The following DNER variants were observed in gnomAD, a reference collection of about 807,000 sequenced individuals.
DNER encodes the protein delta/notch like EGF repeat containing, also known as delta and Notch-like epidermal growth factor-related receptor.
DNER carries 33 observed loss-of-function variants against 78.2 expected under a neutral mutation model. The ratio of observed to expected loss-of-function variants is 0.42; its 90% confidence interval spans 0.32 to 0.56. DNER has a LOEUF of 0.56. DNER is among the 20% of genes least tolerant of loss of function. The pLI, the probability that DNER is intolerant of heterozygous loss-of-function variation, is 0.11. For missense variants in DNER, 918 were observed against 975.3 expected (o/e 0.94, Z 0.78); for synonymous variants, 417 against 384.8 (o/e 1.08, Z -0.98).
At chr2:229,363,526 G>A (rs530213730) in intron 12 of DNER, among the ~76,000 whole-genome samples, 10 of 152,324 alleles carry the variant, frequency 6.6e-5, no homozygotes, top group Admixed American at 2.0e-4. Context: ...CTGAATAAAC[G>A]TTCAGAAGAG....
rs138662006 is a variant in DNER at position 229,482,337 on chromosome 2, C to T, written c.1148-5084G>A. Among the ~76,000 whole-genome samples, 13 of 152,322 alleles carry T rather than the reference C, an allele frequency of 8.5e-5. No individual in the cohort carries two copies. In the East Asian group the frequency reaches 2.3e-3, roughly 27 times the overall value. On this transcript the variant is annotated intron_variant, in intron 6 of 12. Coordinates refer to ENST00000341772, the MANE Select transcript of DNER (RefSeq NM_139072.4). Reference sequence around the variant, plus strand: ...TTTCTTTCAATCCATTCTCCACATACGAATAGCCAAAGAGATCCTTTTAAG... The same window carrying T: ...TTTCTTTCAATCCATTCTCCACATATGAATAGCCAAAGAGATCCTTTTAAG...
intron 5 of DNER, among the ~76,000 whole-genome samples, chr2:229,530,529 C>T (rs17620716): frequency 0.078 from 11,813 of 152,294 alleles, 608 homozygotes; most frequent in East Asian, 0.14. Flanking sequence ...TGCATGGAAA[C>T]GAACTACAGT....
intron 6 of DNER, among the ~76,000 whole-genome samples, chr2:229,495,801 CT>C (rs1401608014): frequency 3.3e-5 from 5 of 152,192 alleles, no homozygotes; most frequent in Non-Finnish European, 7.3e-5. Flanking sequence ...GATTCTGTTC[CT>C]CATATTAATT....
intron 6 of DNER, among the ~76,000 whole-genome samples, chr2:229,493,106 AACAACGCAAAG>A (rs1449901109): frequency 1.3e-5 from 2 of 152,210 alleles, no homozygotes; most frequent in African/African-American, 4.8e-5. Context: ...ATTTCAAACC[AACAACGCAAAG>A]GCACTGACAC....
chr2:229,589,732 C>T (rs1487020001), intron 2 of DNER, among the ~76,000 whole-genome samples: 1 of 152,052 alleles, frequency 6.6e-6, no homozygotes. Context: ...CTTTGATAAA[C>T]TTGAATCAAA....
At chr2:229,593,984 A>C (rs1256770099) in intron 1 of DNER, among the ~76,000 whole-genome samples, 4 of 152,220 alleles carry the variant, frequency 2.6e-5, no homozygotes, top group African/African-American at 9.6e-5. Context: ...TAAGGCAAGG[A>C]CCACCCATCT....
chr2:229,539,313 C>T (rs61470547), intron 5 of DNER, among the ~76,000 whole-genome samples: 8,765 of 152,138 alleles, frequency 0.058, 843 homozygotes, highest in African/African-American at 0.2. Context: ...TTCCCACTTC[C>T]GAATCTGAAG....
intron 11 of DNER, among the ~76,000 whole-genome samples, chr2:229,382,810 G>A (rs546508017): frequency 5.3e-5 from 8 of 152,184 alleles, no homozygotes; most frequent in Non-Finnish European, 7.4e-5. Context: ...TGAAAGTGAC[G>A]GGGAGAATGG....
chr2:229,677,168 T>G (rs1699312848), intron 1 of DNER, among the ~76,000 whole-genome samples: 1 of 152,194 alleles, frequency 6.6e-6, no homozygotes, highest in African/African-American at 2.4e-5. Flanking sequence ...TTTTTGCTGA[T>G]CTTCTGCCCT....
intron 1 of DNER, among the ~76,000 whole-genome samples, chr2:229,697,642 T>A (rs1699682333): frequency 6.6e-6 from 1 of 152,148 alleles, no homozygotes; most frequent in Admixed American, 6.5e-5. Context: ...CAAACTTCAT[T>A]GATGTTCCTT....
intron 10 of DNER, among the ~76,000 whole-genome samples, chr2:229,392,728 A>G (rs1427347504): frequency 6.6e-6 from 1 of 152,192 alleles, no homozygotes; most frequent in African/African-American, 2.4e-5. Flanking sequence ...GGGCACAACT[A>G]TCCCTAGAGT....
chr2:229,642,502 A>T (rs2154216059), intron 1 of DNER, among the ~76,000 whole-genome samples: 1 of 152,310 alleles, frequency 6.6e-6, no homozygotes, highest in South Asian at 2.1e-4. Context: ...AAGGTCAGTG[A>T]CTCCAGAAGC....
chr2:229,459,708 G>A (rs1024956), intron 7 of DNER, among the ~76,000 whole-genome samples: 57,885 of 151,866 alleles, frequency 0.38, 12,864 homozygotes, highest in African/African-American at 0.62. Context: ...GAGTTCGTGT[G>A]AAAGCATTTG....
At chr2:229,613,542 T>C (rs1190744411) in intron 1 of DNER, among the ~76,000 whole-genome samples, 2 of 152,064 alleles carry the variant, frequency 1.3e-5, no homozygotes, top group Non-Finnish European at 2.9e-5. Flanking sequence ...GTGAGACATC[T>C]AAGACTTAGA....
chr2:229,527,905 A>C (rs1399649028), intron 5 of DNER, among the ~76,000 whole-genome samples: 1 of 152,210 alleles, frequency 6.6e-6, no homozygotes, highest in Non-Finnish European at 1.5e-5. Context: ...GCAAAGCTGA[A>C]ATACATTTAG....
chr2:229,524,272 T>A (rs1358737443), intron 5 of DNER, among the ~76,000 whole-genome samples: 9 of 152,228 alleles, frequency 5.9e-5, no homozygotes, highest in Non-Finnish European at 1.3e-4. Flanking sequence ...TTTTTGACCA[T>A]GGGCAAGTAA....
At chr2:229,618,218 A>G (rs1698198739) in intron 1 of DNER, among the ~76,000 whole-genome samples, 1 of 152,174 alleles carries the variant, frequency 6.6e-6, no homozygotes, top group African/African-American at 2.4e-5. Context: ...AATTCCCGTA[A>G]GAGTCTGGAG....
chr2:229,587,091 A>G, intron 3 of DNER: 1 of 707,818 alleles, frequency 1.4e-6, no homozygotes, highest in Non-Finnish European at 1.7e-6. Context: ...AAAAAACAAA[A>G]GCATTTAACG....
chr2:229,503,056 T>C (rs1424661755), intron 6 of DNER, among the ~76,000 whole-genome samples: 2 of 152,350 alleles, frequency 1.3e-5, no homozygotes, highest in African/African-American at 4.8e-5. Flanking sequence ...TTTTCTCCAC[T>C]ACCTGATACA....
Sources: gnomAD v4.1 joint callset for allele counts (sites outside exome capture counted in the v4.1 genomes callset) on GRCh38, gnomAD v4.1.1 for gene constraint, MANE v1.5 for transcripts, NCBI Gene and HGNC (gene_info 2026-07-23, HGNC 2026-07-21) for gene names.